The following LUZP2 variants were observed in gnomAD, a reference collection of about 807,000 sequenced individuals.
LUZP2 encodes leucine zipper protein 2.
A neutral mutation model predicts 51.6 loss-of-function variants in LUZP2; 52 were observed. The ratio of observed to expected loss-of-function variants is 1.01; its 90% CI spans 0.81 to 1.27. The LOEUF (loss-of-function observed/expected upper bound fraction) is 1.27. Among genes scored for constraint, LUZP2 ranks in the 50% most tolerant of loss-of-function variants. The pLI is 0.00. For synonymous variants in LUZP2, 154 were observed against 137.3 expected (o/e 1.12, Z -0.85); for missense variants, 436 against 395.4 (o/e 1.10, Z -0.87).
At chr11:24,524,914 A>T (rs1231238581) in intron 1 of LUZP2, among the ~76,000 whole-genome samples, 2 of 151,746 alleles carry the variant, frequency 1.3e-5, no homozygotes, top group East Asian at 3.9e-4. Flanking sequence ...GACTTAGTCA[A>T]CCCCTCTCTC....
chr11:24,520,392 A>G (rs1418408106), intron 1 of LUZP2, among the ~76,000 whole-genome samples: 2 of 152,172 alleles, frequency 1.3e-5, no homozygotes, highest in Admixed American at 1.3e-4. Context: ...TTTGGACACC[A>G]TTTTGAAGGA....
At chr11:24,834,618 T>G (rs2631485) in intron 5 of LUZP2, among the ~76,000 whole-genome samples, 141,163 of 152,220 alleles carry the variant, frequency 0.93, 66,151 homozygotes, top group East Asian at 1. Context: ...CCAGCAATGG[T>G]ATTGCTGGGT....
intron 1 of LUZP2, among the ~76,000 whole-genome samples, chr11:24,674,309 C>G (rs1365257151): frequency 1.3e-5 from 2 of 152,174 alleles, no homozygotes; most frequent in Non-Finnish European, 2.9e-5. Context: ...TGACCTTCTG[C>G]TAGCCCCGAC....
intron 1 of LUZP2, among the ~76,000 whole-genome samples, chr11:24,542,094 G>T (rs985566251): frequency 2.0e-5 from 3 of 152,078 alleles, no homozygotes; most frequent in Admixed American, 2.0e-4. Flanking sequence ...TTCCCTAACA[G>T]TGATACTTAT....
At chr11:24,635,804 G>A (rs867210158) in intron 1 of LUZP2, among the ~76,000 whole-genome samples, 1 of 152,088 alleles carries the variant, frequency 6.6e-6, no homozygotes, top group Admixed American at 6.6e-5. Flanking sequence ...GACTAAAAGT[G>A]GATCTCAATG....
intron 9 of LUZP2, among the ~76,000 whole-genome samples, chr11:24,985,033 A>G (rs960888400): frequency 3.3e-5 from 5 of 151,628 alleles, no homozygotes; most frequent in African/African-American, 1.2e-4. Flanking sequence ...CTTGTGGTAT[A>G]CCCTTCTTCT....
intron 9 of LUZP2, among the ~76,000 whole-genome samples, chr11:25,038,257 A>G (rs1194306777): frequency 6.6e-6 from 1 of 152,134 alleles, no homozygotes; most frequent in African/African-American, 2.4e-5. Context: ...AAGAACCATT[A>G]GTAGAGCTTT....
intron 1 of LUZP2, among the ~76,000 whole-genome samples, chr11:24,593,064 A>T (rs1296386314): frequency 6.6e-6 from 1 of 151,246 alleles, no homozygotes; most frequent in Middle Eastern, 3.2e-3. Flanking sequence ...AATACTTTAC[A>T]TTCTTTGTCT....
chr11:24,790,691 G>A lies in LUZP2; in HGVS notation c.396+27383G>A, dbSNP rs572358316. On this transcript the variant is annotated intron_variant, in intron 5 of 11. Coordinates refer to ENST00000336930, the MANE Select transcript of LUZP2 (RefSeq NM_001009909.4). Reference sequence around the variant, plus strand: ...TAATTTTTGTATTTTTAGTAGAGTCGGGGTTTCACCGTGTTGGCTAGGTTA... The same window carrying A: ...TAATTTTTGTATTTTTAGTAGAGTCAGGGTTTCACCGTGTTGGCTAGGTTA... Among the ~76,000 whole-genome samples the A allele has an allele frequency of 6.6e-5, 10 of 151,924 alleles. No homozygotes were observed. In the East Asian group the frequency reaches 1.7e-3, roughly 27 times the overall value.
At chr11:24,656,775 C>T (rs962440432) in intron 1 of LUZP2, among the ~76,000 whole-genome samples, 12 of 152,170 alleles carry the variant, frequency 7.9e-5, no homozygotes, top group South Asian at 2.1e-4. Context: ...GTCCTAAGTC[C>T]GCTTTGCGCT....
chr11:25,062,105 G>A (rs1858856588), intron 10 of LUZP2, among the ~76,000 whole-genome samples: 1 of 150,608 alleles, frequency 6.6e-6, no homozygotes, highest in Non-Finnish European at 1.5e-5. Flanking sequence ...AAAAACAGAG[G>A]GAAGGGAGAA....
At chr11:24,841,933 T>A (rs1163589056) in intron 5 of LUZP2, among the ~76,000 whole-genome samples, 2 of 152,224 alleles carry the variant, frequency 1.3e-5, no homozygotes, top group Non-Finnish European at 2.9e-5. Context: ...TAAGATTTTG[T>A]AGCATATAAA....
At chr11:24,725,007 G>A (rs978100441) in intron 1 of LUZP2, among the ~76,000 whole-genome samples, 3 of 152,110 alleles carry the variant, frequency 2.0e-5, no homozygotes, top group South Asian at 4.1e-4. Flanking sequence ...TTTCTGGATG[G>A]TAAGGTGTGT....
At position 24,497,236 on chromosome 11, in the gene LUZP2, G is replaced by A. The variant is rs770905400; in HGVS notation, c.-8G>A. On this transcript the variant is annotated 5_prime_UTR_variant, in exon 1 of 12. Transcript: ENST00000336930. ...AGCGAGGGAAGGAGGACCCCGGCAGGCAGCAGCATGAAATTCAGCCCAGCG... is the reference window on the plus strand; with the variant it reads ...AGCGAGGGAAGGAGGACCCCGGCAGACAGCAGCATGAAATTCAGCCCAGCG... 4.6e-6 allele frequency: 7 copies of A among 1,537,084 alleles called. No individual in the cohort carries two copies. Among genetic ancestry groups the A allele is most frequent in the Non-Finnish European group, 6.1e-6 (7 of 1,138,242 alleles).
At chr11:24,595,698 C>T (rs1214639050) in intron 1 of LUZP2, among the ~76,000 whole-genome samples, 1 of 152,176 alleles carries the variant, frequency 6.6e-6, no homozygotes, top group Non-Finnish European at 1.5e-5. Context: ...AGGATCAGAA[C>T]ATTCCAGAGA....
chr11:24,501,901 G>A (rs1850005821), intron 1 of LUZP2, among the ~76,000 whole-genome samples: 2 of 152,178 alleles, frequency 1.3e-5, no homozygotes, highest in Non-Finnish European at 1.5e-5. Context: ...ATTAAGTGGT[G>A]TCTGGGGCAA....
In LUZP2 at chr11:24,962,130, T is replaced by C. The variant is rs1259591487; in HGVS notation, c.523-14461T>C. ...GCTGAGAGATCTCCTGTTAGTCTGATGGGCTTCCCTTTGTGGGTAACCCAA... is the reference window on the plus strand; with the variant it reads ...GCTGAGAGATCTCCTGTTAGTCTGACGGGCTTCCCTTTGTGGGTAACCCAA... On this transcript the variant is annotated intron_variant, in intron 7 of 11. Transcript: ENST00000336930. Among the ~76,000 whole-genome samples the C allele has an allele frequency of 1.6e-4, 25 of 152,334 alleles. No individual in the cohort carries two copies. The South Asian group carries it at 4.4e-3, about 27-fold the overall frequency.
rs191298151 is a variant in LUZP2, at chr11:24,548,747, C to T, written c.62+51442C>T. Among the ~76,000 whole-genome samples the T allele has an allele frequency of 3.6e-4, 55 of 151,866 alleles. No individual in the cohort carries two copies. In the South Asian group the frequency reaches 5.6e-3, roughly 15 times the overall value. On this transcript the variant is annotated intron_variant, in intron 1 of 11. Transcript: ENST00000336930. ...AGATAAAATAAAAATAAGAAAATAA[C>T]ATGAAGGGAGAAGTTTTTAAAATAT...
chr11:24,964,492 T>C (rs894371417), intron 7 of LUZP2, among the ~76,000 whole-genome samples: 1 of 152,154 alleles, frequency 6.6e-6, no homozygotes, highest in African/African-American at 2.4e-5. Context: ...ACCTATGTAG[T>C]TTACAGGACC....
Sources: gnomAD v4.1 joint callset for allele counts (sites outside exome capture counted in the v4.1 genomes callset) on GRCh38, gnomAD v4.1.1 for gene constraint, MANE v1.5 for transcripts, NCBI Gene and HGNC (gene_info 2026-07-23, HGNC 2026-07-21) for gene names.